TFEC: variants seen among roughly 807,000 people sequenced by gnomAD.
TFEC encodes the protein class E basic helix-loop-helix protein 34.
Under a neutral mutation model 41.6 loss-of-function variants are expected in TFEC, and 31 were observed. The observed-to-expected ratio is 0.74, with a 90% CI of 0.56 to 1.01. TFEC has a LOEUF of 1.01. Among genes scored for constraint, TFEC ranks in the 50% least tolerant of loss-of-function variants. The pLI is 0.00. For synonymous variants in TFEC, 143 were observed against 140.6 expected, an observed-to-expected ratio of 1.02 and a Z score of -0.12; for missense variants, 402 against 404.1, an observed-to-expected ratio of 0.99 and a Z score of 0.04.
chr7:116,077,645 A>G (rs183060586), intron 3 of TFEC, among the ~76,000 whole-genome samples: 2 of 152,272 alleles, frequency 1.3e-5, no homozygotes, highest in African/African-American at 4.8e-5. Flanking sequence ...CAGACAAAAA[A>G]AACCTTAAAG....
At chr7:116,005,190 G>A (rs751481558) in intron 1 of TFEC, among the ~76,000 whole-genome samples, 1 of 152,204 alleles carries the variant, frequency 6.6e-6, no homozygotes, top group African/African-American at 2.4e-5. Flanking sequence ...TACCAGTAAA[G>A]TGGGGCACTG....
At chr7:116,072,780 G>A (rs936533512) in intron 3 of TFEC, among the ~76,000 whole-genome samples, 5 of 151,488 alleles carry the variant, frequency 3.3e-5, no homozygotes, top group Admixed American at 3.3e-4. Flanking sequence ...ATGAAAAGAA[G>A]TATTCAAGAA....
intron 1 of TFEC, among the ~76,000 whole-genome samples, chr7:116,158,295 T>TC (rs1168593525): frequency 6.6e-6 from 1 of 152,048 alleles, no homozygotes; most frequent in Non-Finnish European, 1.5e-5. Context: ...TTCTCTTTTT[T>TC]CCCCCTCATC....
intron 1 of TFEC, among the ~76,000 whole-genome samples, chr7:115,985,544 C>T (rs913469814): frequency 6.6e-6 from 1 of 152,082 alleles, no homozygotes; most frequent in Non-Finnish European, 1.5e-5. Context: ...CAAACTACTC[C>T]TTAAATCCCT....
At chr7:116,010,809 G>A (rs1584691957) in intron 1 of TFEC, among the ~76,000 whole-genome samples, 1 of 152,194 alleles carries the variant, frequency 6.6e-6, no homozygotes, top group Non-Finnish European at 1.5e-5. Context: ...GTTGTTTAAA[G>A]TCTGTGCGTG....
chr7:116,023,265 A>G (rs1430921023), intron 1 of TFEC, among the ~76,000 whole-genome samples: 2 of 152,162 alleles, frequency 1.3e-5, no homozygotes, highest in Non-Finnish European at 2.9e-5. Context: ...TTGGATTTCA[A>G]AACAATAAAA....
intron 1 of TFEC, among the ~76,000 whole-genome samples, chr7:116,021,810 C>A (rs1486850260): frequency 6.6e-6 from 1 of 152,068 alleles, no homozygotes; most frequent in Non-Finnish European, 1.5e-5. Context: ...AACAGTCAAA[C>A]CAGGTTTCCA....
At chr7:116,147,827 A>G (rs1396006676) in intron 1 of TFEC, among the ~76,000 whole-genome samples, 9 of 152,224 alleles carry the variant, frequency 5.9e-5, no homozygotes, top group Non-Finnish European at 1.0e-4. Context: ...TTTAACAAAA[A>G]TATATTATGT....
At chr7:116,063,969 TAAGCC>T (rs1360135203) in intron 3 of TFEC, among the ~76,000 whole-genome samples, 6 of 152,156 alleles carry the variant, frequency 3.9e-5, no homozygotes, top group African/African-American at 9.6e-5. Context: ...CAAAGTGAAA[TAAGCC>T]AGGAACAAAA....
chr7:116,082,637 C>T (rs942055736), intron 3 of TFEC, among the ~76,000 whole-genome samples: 11 of 151,918 alleles, frequency 7.2e-5, no homozygotes, highest in African/African-American at 2.7e-4. Context: ...ATTTATTATA[C>T]AGAATCTATG....
chr7:115,936,120 A>G lies in TFEC; in HGVS notation c.*4431T>C, dbSNP rs1243655598. ...CTTTTGGATTGTTTCCTTGTTTTCA[A>G]ATTAAAATTCATACAAACAATAAAA... On this transcript the variant is annotated 3_prime_UTR_variant, in exon 8 of 8. Coordinates refer to ENST00000265440, the MANE Select transcript of TFEC (RefSeq NM_012252.4). The G allele has an allele frequency of 6.6e-6, 1 of 151,630 alleles. No individual in the cohort carries two copies. Among genetic ancestry groups the G allele is most frequent in the Non-Finnish European group, 1.5e-5 (1 of 67,628 alleles). 9.4% of individuals were successfully genotyped at this position (151,630 alleles called of 1,614,324 possible).
chr7:115,982,931 T>C (rs1483917388), intron 2 of TFEC, among the ~76,000 whole-genome samples: 1 of 152,148 alleles, frequency 6.6e-6, no homozygotes, highest in Non-Finnish European at 1.5e-5. Context: ...ATAAAATATA[T>C]AATAAAATCA....
At chr7:115,965,095 G>C (rs1024153817) in intron 3 of TFEC, among the ~76,000 whole-genome samples, 1 of 151,554 alleles carries the variant, frequency 6.6e-6, no homozygotes, top group African/African-American at 2.4e-5. Context: ...TTTCTGTATA[G>C]TTTTACATTA....
intron 1 of TFEC, 140 bp from the exon 2 acceptor site, chr7:115,984,653 G>T: frequency 2.0e-6 from 2 of 1,002,602 alleles, no homozygotes; most frequent in Non-Finnish European, 2.8e-6. Flanking sequence ...CCATACTTCT[G>T]TCATAAGTTA....
At chr7:116,034,697 C>CAT (rs1795869446), upstream of TFEC, among the ~76,000 whole-genome samples, 1 of 151,266 alleles carries the variant, frequency 6.6e-6, no homozygotes, top group African/African-American at 2.4e-5. Flanking sequence ...TACACACACA[C>CAT]ACACACACAC....
chr7:116,114,954 A>G (rs1411920763), intron 1 of TFEC, among the ~76,000 whole-genome samples: 1 of 151,774 alleles, frequency 6.6e-6, no homozygotes, highest in Admixed American at 6.6e-5. Flanking sequence ...AGACAAAGAC[A>G]TCAGAAGAGA....
rs545437995 is a variant in TFEC at position 115,988,703 on chromosome 7, T to C, written c.-72-4190A>G. Among the ~76,000 whole-genome samples the C allele has an allele frequency of 2.6e-5, 4 of 152,080 alleles. No homozygotes were observed. In the South Asian group the frequency reaches 8.3e-4, roughly 32 times the overall value. ...GAGAATTTCTTCAATTAATATAATGTACCAAACCACAGATCCAGGAAGCTC... is the reference window on the plus strand; with the variant it reads ...GAGAATTTCTTCAATTAATATAATGCACCAAACCACAGATCCAGGAAGCTC... On this transcript the variant is annotated intron_variant, in intron 1 of 7. Coordinates refer to ENST00000265440, the MANE Select transcript of TFEC (RefSeq NM_012252.4).
intron 6 of TFEC, among the ~76,000 whole-genome samples, chr7:115,946,429 G>T (rs1791560542): frequency 6.6e-6 from 1 of 150,518 alleles, no homozygotes. Context: ...GTGTGTGTGT[G>T]TGTGTGTGTA....
intron 3 of TFEC, among the ~76,000 whole-genome samples, chr7:116,048,439 T>C (rs1200488738): frequency 6.6e-6 from 1 of 151,314 alleles, no homozygotes. Context: ...GAAAAAAGAG[T>C]AAAAAGAAAT....
Sources: gnomAD v4.1 joint callset for allele counts (sites outside exome capture counted in the v4.1 genomes callset) on GRCh38, gnomAD v4.1.1 for gene constraint, MANE v1.5 for transcripts, NCBI Gene and HGNC (gene_info 2026-07-23, HGNC 2026-07-21) for gene names.